CTNNA2: variants seen among roughly 807,000 people sequenced by gnomAD.
CTNNA2 encodes the protein catenin alpha 2, also known as catenin alpha-2.
In CTNNA2, 42 loss-of-function variants were observed where a neutral mutation model predicts 101.0. That is an observed-to-expected ratio of 0.42 (90% confidence interval 0.32 to 0.54). The LOEUF is 0.54. CTNNA2 is among the 20% of genes least tolerant of loss of function. The pLI is 0.14. For missense variants in CTNNA2, 871 were observed against 1,223.1 expected, an observed-to-expected ratio of 0.71 and a Z score of 4.29; for synonymous variants, 450 against 456.4, an observed-to-expected ratio of 0.99 and a Z score of 0.18.
intron 1 of CTNNA2, among the ~76,000 whole-genome samples, chr2:79,532,802 T>A (rs1233534288): frequency 1.0e-5 from 1 of 97,060 alleles, no homozygotes; most frequent in African/African-American, 3.8e-5. Context: ...CCTGATTAAT[T>A]TTTGAAGTTC....
intron 7 of CTNNA2, among the ~76,000 whole-genome samples, chr2:80,158,147 G>T (rs116735271): frequency 6.6e-6 from 1 of 152,088 alleles, no homozygotes; most frequent in African/African-American, 2.4e-5. Flanking sequence ...TCTTCCACCC[G>T]ATTAATTATG....
At chr2:79,988,721 G>T (rs1245845351) in intron 7 of CTNNA2, among the ~76,000 whole-genome samples, 1 of 152,150 alleles carries the variant, frequency 6.6e-6, no homozygotes, top group Admixed American at 6.5e-5. Flanking sequence ...TTTGTTAGAA[G>T]CTATATGTAA....
At chr2:79,801,487 G>A (rs1201492124) in intron 3 of CTNNA2, among the ~76,000 whole-genome samples, 1 of 152,174 alleles carries the variant, frequency 6.6e-6, no homozygotes, top group Admixed American at 6.5e-5. Context: ...AGGCACTAGG[G>A]CTAATAGATA....
chr2:80,596,452 G>C (rs1289939101), intron 15 of CTNNA2, among the ~76,000 whole-genome samples: 2 of 151,268 alleles, frequency 1.3e-5, no homozygotes, highest in Non-Finnish European at 2.9e-5. Context: ...TGGGACTACA[G>C]GTGCCCGCCA....
intron 1 of CTNNA2, among the ~76,000 whole-genome samples, chr2:79,565,729 A>G (rs1675070686): frequency 6.6e-6 from 1 of 152,052 alleles, no homozygotes; most frequent in Non-Finnish European, 1.5e-5. Flanking sequence ...TGTATAGTAA[A>G]CAAGTAACTC....
chr2:80,209,822 C>T (rs985249758), intron 7 of CTNNA2, among the ~76,000 whole-genome samples: 17 of 152,080 alleles, frequency 1.1e-4, no homozygotes, highest in African/African-American at 3.1e-4. Flanking sequence ...AGTTAAAGAG[C>T]GAAAACCCGA....
chr2:79,809,969 C>G (rs576874735), intron 3 of CTNNA2, among the ~76,000 whole-genome samples: 1 of 152,222 alleles, frequency 6.6e-6, no homozygotes, highest in Admixed American at 6.5e-5. Context: ...ACTGCAAAAA[C>G]ATACCAAATA....
At chr2:80,382,426 T>G (rs1417542026) in intron 7 of CTNNA2, among the ~76,000 whole-genome samples, 1 of 152,198 alleles carries the variant, frequency 6.6e-6, no homozygotes, top group Admixed American at 6.5e-5. Flanking sequence ...CAGCTTATAT[T>G]ATTTGTATAC....
intron 2 of CTNNA2, among the ~76,000 whole-genome samples, chr2:79,276,192 G>T (rs1478161535): frequency 6.6e-6 from 1 of 152,090 alleles, no homozygotes; most frequent in Admixed American, 6.6e-5. Context: ...CTAGGTTATT[G>T]TAAGAACTTG....
intron 7 of CTNNA2, among the ~76,000 whole-genome samples, chr2:80,068,325 G>A (rs758268426): frequency 3.6e-4 from 55 of 152,318 alleles, no homozygotes; most frequent in Admixed American, 5.2e-4. Flanking sequence ...CCTGCAGGGA[G>A]TGGCACTAGG....
chr2:79,994,851 C>T lies in CTNNA2; in HGVS notation c.1056+85054C>T, dbSNP rs200962995. On this transcript the variant is annotated intron_variant, in intron 7 of 18. Transcript: ENST00000402739. The stretch of plus-strand genomic sequence containing the variant: ...TTTCAGGAGATATCACCCTGACTTC[C>T]GCCCTGATGTTCCTACCCCCACCAT... 9.7e-4 allele frequency among the ~76,000 whole-genome samples: 147 copies of T among 152,202 alleles called. 1 individual carries two copies. The highest frequency in any genetic ancestry group is 3.0e-3 in the African/African-American group (123 of 41,528).
intron 3 of CTNNA2, among the ~76,000 whole-genome samples, chr2:79,850,383 G>A (rs1263398163): frequency 6.4e-5 from 4 of 62,312 alleles, no homozygotes; most frequent in Non-Finnish European, 8.6e-5. Context: ...CCCTCCCTCT[G>A]TTTGTTTCTC....
At chr2:80,042,334 T>C (rs1345510319) in intron 7 of CTNNA2, among the ~76,000 whole-genome samples, 2 of 152,244 alleles carry the variant, frequency 1.3e-5, no homozygotes, top group East Asian at 3.8e-4. Context: ...CTTAATGATC[T>C]GGTGCGGAAT....
intron 1 of CTNNA2, among the ~76,000 whole-genome samples, chr2:79,189,238 TCTC>T (rs1213571212): frequency 1.3e-5 from 2 of 152,176 alleles, no homozygotes; most frequent in African/African-American, 2.4e-5. Context: ...AAAATAAAAA[TCTC>T]CTCTTTCATT....
At chr2:79,587,912 G>C (rs1676599800) in intron 1 of CTNNA2, among the ~76,000 whole-genome samples, 1 of 152,084 alleles carries the variant, frequency 6.6e-6, no homozygotes, top group African/African-American at 2.4e-5. Context: ...GCCCAGCTCA[G>C]GTCTGTGGTC....
chr2:79,622,480 T>C (rs978938378), intron 1 of CTNNA2, among the ~76,000 whole-genome samples: 1 of 152,098 alleles, frequency 6.6e-6, no homozygotes, highest in Admixed American at 6.5e-5. Flanking sequence ...ATATGGTTGT[T>C]TGATAAATGA....
At chr2:79,514,762 G>C (rs1486100041) in intron 1 of CTNNA2, 1 of 152,106 alleles carries the variant, frequency 6.6e-6, no homozygotes. Context: ...TAAAACAACA[G>C]ACCAAAAAAC....
Position 79,211,865 on chromosome 2 carries a change from C to A in CTNNA2, c.-406+13789C>A, listed in dbSNP as rs373264186. Among the ~76,000 whole-genome samples the A allele has an allele frequency of 1.4e-4, 22 of 152,160 alleles. No individual in the cohort carries two copies. In the South Asian group the frequency reaches 4.6e-3, roughly 32 times the overall value. On this transcript the variant is annotated intron_variant, in intron 2 of 21. Transcript: ENST00000466387. ...TGGAGAGATAGTGGGCGATGTTTCT[C>A]AGGGCTGCTTCGAGCGGGATTAGGG...
chr2:80,619,040 TG>T, intron 17 of CTNNA2, 44 bp from the exon 18 acceptor site: 1 of 1,299,202 alleles, frequency 7.7e-7, no homozygotes. Context: ...TTTTTTCTTT[TG>T]CTCTCTCTCT....
Sources: gnomAD v4.1 joint callset for allele counts (sites outside exome capture counted in the v4.1 genomes callset) on GRCh38, gnomAD v4.1.1 for gene constraint, MANE v1.5 for transcripts, NCBI Gene and HGNC (gene_info 2026-07-23, HGNC 2026-07-21) for gene names.